KCNQ1: variants seen among roughly 807,000 people sequenced by gnomAD.
KCNQ1 encodes potassium voltage-gated channel subfamily Q member 1.
In KCNQ1, 49 loss-of-function variants were observed where a neutral mutation model predicts 72.4. The observed-to-expected ratio is 0.68, with a 90% CI of 0.54 to 0.86. KCNQ1 has a LOEUF of 0.86. KCNQ1 is among the 40% of genes least tolerant of loss of function. KCNQ1 has a pLI of 0.00. For missense variants in KCNQ1, 790 were observed against 945.1 expected, an observed-to-expected ratio of 0.84 and a Z score of 2.15; for synonymous variants, 450 against 412.6, an observed-to-expected ratio of 1.09 and a Z score of -1.10.
At chr11:2,793,176 G>A (rs1029904208) in intron 15 of KCNQ1, among the ~76,000 whole-genome samples, 3 of 152,206 alleles carry the variant, frequency 2.0e-5, no homozygotes, top group East Asian at 1.9e-4. Flanking sequence ...GGCAGGGCCC[G>A]CCTGGGTGCA....
At chr11:2,751,281 C>A (rs1256508039) in intron 11 of KCNQ1, among the ~76,000 whole-genome samples, 1 of 152,226 alleles carries the variant, frequency 6.6e-6, no homozygotes, top group Non-Finnish European at 1.5e-5. Flanking sequence ...GGTCCTCCCA[C>A]ACCCTCATCC....
At chr11:2,459,833 C>G (rs531721120) in intron 1 of KCNQ1, among the ~76,000 whole-genome samples, 13 of 152,202 alleles carry the variant, frequency 8.5e-5, no homozygotes, top group African/African-American at 3.1e-4. Flanking sequence ...CCTTCCCATG[C>G]AGCACAGGTG....
In KCNQ1 at chr11:2,566,695, G is replaced by A. The variant is rs528115479; in HGVS notation, c.478-3933G>A. ...GAGACCAAGGACGGCTCTTCTTCTC[G>A]TATCTACGGGGCAGAGCTCAGGGCC... is the stretch of plus-strand genomic sequence containing the variant. On this transcript the variant is annotated intron_variant, in intron 2 of 15. Coordinates refer to ENST00000155840, the MANE Select transcript of KCNQ1 (RefSeq NM_000218.3). This position sits in a 1 kb window ranked among gnomAD's most constrained non-coding sequence, Gnocchi z 6.7. Among the ~76,000 whole-genome samples, 11 of 152,192 alleles carry A rather than the reference G, an allele frequency of 7.2e-5. No individual in the cohort carries two copies. Among genetic ancestry groups the A allele is most frequent in the Non-Finnish European group, 8.8e-5 (6 of 67,992 alleles).
intron 11 of KCNQ1, among the ~76,000 whole-genome samples, chr11:2,702,259 C>A (rs147441121): frequency 6.6e-6 from 1 of 152,196 alleles, no homozygotes; most frequent in South Asian, 2.1e-4. Context: ...ATTTTCGAAA[C>A]GTGGCCATTT....
In KCNQ1 at chr11:2,516,667, GC is replaced by G. The variant is rs1847293450; in HGVS notation, c.387-11259del. ...CCCTGGGTTCTCAGCAGGACTCTTT[GC>G]CGGGATCCTCATGCTACGGCCACCA... On this transcript the variant is annotated intron_variant, in intron 1 of 15. Transcript: ENST00000155840. The surrounding 1 kb of genome is among the most constrained non-coding windows in gnomAD (Gnocchi z 7.0). 6.6e-6 allele frequency among the ~76,000 whole-genome samples: 1 copy of G among 152,132 alleles called. No homozygotes were observed. The highest frequency in any genetic ancestry group is 1.5e-5 in the Non-Finnish European group (1 of 68,022).
At position 2,671,800 on chromosome 11, in the gene KCNQ1, C is replaced by G; in HGVS notation, c.1514+9719C>G. On this transcript the variant is annotated intron_variant, in intron 11 of 15. Coordinates refer to ENST00000155840, the MANE Select transcript of KCNQ1 (RefSeq NM_000218.3). The surrounding 1 kb of genome is among the most constrained non-coding windows in gnomAD (Gnocchi z 4.7). ...ATTCTGACCCAGTCAGGGTTCTTCC[C>G]CCAAATAAATCCCTGCAACCCCACT... The G allele has an allele frequency of 2.5e-6, 1 of 398,724 alleles. No individual in the cohort carries two copies. The highest frequency in any genetic ancestry group is 4.4e-6 in the Non-Finnish European group (1 of 226,140). 24.7% of individuals were successfully genotyped at this position (398,724 alleles called of 1,614,324 possible).
intron 10 of KCNQ1, chr11:2,625,432 T>C (rs1056964810): frequency 7.5e-6 from 3 of 398,466 alleles, no homozygotes; most frequent in East Asian, 7.1e-5. Flanking sequence ...GCTGTGTTTA[T>C]TTTTTTAATA....
chr11:2,686,367 T>A (rs1850490286), intron 11 of KCNQ1: 1 of 398,696 alleles, frequency 2.5e-6, no homozygotes. Context: ...TCACTTGGGC[T>A]TATCAGCAGA....
rs766858168 is a variant in KCNQ1 at position 2,492,533 on chromosome 11, C to G, written c.387-35395C>G. 9.9e-5 allele frequency among the ~76,000 whole-genome samples: 15 copies of G among 152,152 alleles called. No homozygotes were observed. Among genetic ancestry groups the G allele is most frequent in the Admixed American group, 4.6e-4 (7 of 15,274 alleles). ...CCTTGGCCCCCATCTCCCCACAGAT[C>G]CCGGTGTGTGATGTTCCCCTCCCTG... is the stretch of plus-strand genomic sequence containing the variant. On this transcript the variant is annotated intron_variant, in intron 1 of 15. Coordinates refer to ENST00000155840, the MANE Select transcript of KCNQ1 (RefSeq NM_000218.3). This position sits in a 1 kb window ranked among gnomAD's most constrained non-coding sequence, Gnocchi z 4.1.
rs754670896 is a variant in KCNQ1, at chr11:2,723,976, C to T, written c.1515-44868C>T. Among the ~76,000 whole-genome samples the T allele has an allele frequency of 1.3e-5, 2 of 152,100 alleles. No individual in the cohort carries two copies. Among genetic ancestry groups the T allele is most frequent in the Admixed American group, 6.5e-5 (1 of 15,268 alleles). ...GCGTGGAGGCATTTACTCTTTTCAC[C>T]GGGGGAGCAGAAATCAGAACATGGC... On this transcript the variant is annotated intron_variant, in intron 11 of 15. Coordinates refer to ENST00000155840, the MANE Select transcript of KCNQ1 (RefSeq NM_000218.3). This position sits in a 1 kb window ranked among gnomAD's most constrained non-coding sequence, Gnocchi z 4.2.
rs1848972718 is a variant in KCNQ1, at chr11:2,611,016, C to T, written c.1393+22162C>T. The T allele has an allele frequency of 7.5e-6, 3 of 398,316 alleles. No homozygotes were observed. The highest frequency in any genetic ancestry group is 8.8e-5 in the Admixed American group (2 of 22,702). 24.7% of individuals were successfully genotyped at this position (398,316 alleles called of 1,614,324 possible). On this transcript the variant is annotated intron_variant, in intron 10 of 15. Coordinates refer to ENST00000155840, the MANE Select transcript of KCNQ1 (RefSeq NM_000218.3). The surrounding 1 kb of genome is among the most constrained non-coding windows in gnomAD (Gnocchi z 5.3). ...GAGTTGTCTATTATTGTTCAGTTGTCTGTTTCTCTCTTCATTTCTGACAGT... is the reference window on the plus strand; with the variant it reads ...GAGTTGTCTATTATTGTTCAGTTGTTTGTTTCTCTCTTCATTTCTGACAGT...
intron 11 of KCNQ1, among the ~76,000 whole-genome samples, chr11:2,743,666 C>G (rs914135661): frequency 6.6e-6 from 1 of 152,234 alleles, no homozygotes; most frequent in Non-Finnish European, 1.5e-5. Flanking sequence ...GGAGTCTGCA[C>G]AGCTACATAG....
chr11:2,784,307 C>G lies in KCNQ1; in HGVS notation c.1794+6270C>G, dbSNP rs1846875863. Among the ~76,000 whole-genome samples, 1 of 151,864 alleles carries G rather than the reference C, an allele frequency of 6.6e-6. No individual in the cohort carries two copies. Among genetic ancestry groups the G allele is most frequent in the Non-Finnish European group, 1.5e-5 (1 of 67,796 alleles). Reference sequence around the variant, plus strand: ...TTATCATGGCTTCTTGGTCAAAAATCAATTGACCATAAATTTATAGGTTTA... The same window carrying G: ...TTATCATGGCTTCTTGGTCAAAAATGAATTGACCATAAATTTATAGGTTTA... On this transcript the variant is annotated intron_variant, in intron 15 of 15. Coordinates refer to ENST00000155840, the MANE Select transcript of KCNQ1 (RefSeq NM_000218.3). The surrounding 1 kb of genome is among the most constrained non-coding windows in gnomAD (Gnocchi z 4.7).
At chr11:2,535,850 G>A (rs1175318041) in intron 2 of KCNQ1, among the ~76,000 whole-genome samples, 1 of 152,204 alleles carries the variant, frequency 6.6e-6, no homozygotes, top group Non-Finnish European at 1.5e-5. Flanking sequence ...GAGGAACCCC[G>A]GCGCTGCTGC....
At position 2,664,417 on chromosome 11, in the gene KCNQ1, G is replaced by A. The variant is rs1337941075; in HGVS notation, c.1514+2336G>A. On this transcript the variant is annotated intron_variant, in intron 11 of 15. Coordinates refer to ENST00000155840, the MANE Select transcript of KCNQ1 (RefSeq NM_000218.3). The surrounding 1 kb of genome is among the most constrained non-coding windows in gnomAD (Gnocchi z 5.1). ...CTGAAGGGGAGAGTGGGCACGTACA[G>A]TGTCAGGGCCTAGGAACCCAGGCTC... The A allele has an allele frequency of 3.3e-5, 13 of 398,588 alleles. No homozygotes were observed. Among genetic ancestry groups the A allele is most frequent in the Non-Finnish European group, 4.4e-5 (10 of 226,124 alleles). 24.7% of individuals were successfully genotyped at this position (398,588 alleles called of 1,614,324 possible). A position where few individuals can be genotyped will look rare whatever the true frequency, so the allele number is the denominator to read the frequency against.
At position 2,514,504 on chromosome 11, in the gene KCNQ1, C is replaced by T. The variant is rs192221017; in HGVS notation, c.387-13424C>T. The stretch of plus-strand genomic sequence containing the variant: ...GTAGTGGGTAGGAGGTTTCCCTATA[C>T]AGGAGACCAAGCTACAGCAAGAAAG... On this transcript the variant is annotated intron_variant, in intron 1 of 15. Transcript: ENST00000155840. Among the ~76,000 whole-genome samples, 339 of 152,326 alleles carry T rather than the reference C, an allele frequency of 2.2e-3. 5 individuals are homozygous for T. The highest frequency in any genetic ancestry group is 7.6e-3 in the African/African-American group (314 of 41,580).
At chr11:2,548,496 T>C (rs1386397248) in intron 2 of KCNQ1, among the ~76,000 whole-genome samples, 3 of 152,246 alleles carry the variant, frequency 2.0e-5, no homozygotes, top group Non-Finnish European at 4.4e-5. Context: ...TTATATTCCC[T>C]TTCTCAGCCT....
intron 11 of KCNQ1, chr11:2,697,264 A>T (rs1212798916): frequency 2.5e-6 from 1 of 398,464 alleles, no homozygotes; most frequent in Non-Finnish European, 4.4e-6. Context: ...GGTTTCAATA[A>T]CTTTTAAGAA....
At chr11:2,506,869 A>G (rs1218917367) in intron 1 of KCNQ1, among the ~76,000 whole-genome samples, 2 of 152,168 alleles carry the variant, frequency 1.3e-5, no homozygotes, top group East Asian at 1.9e-4. Context: ...GTGTGTGTGT[A>G]TTTGTAAATC....
Sources: allele counts gnomAD v4.1 joint callset (sites outside exome capture counted in the v4.1 genomes callset), GRCh38; gene constraint gnomAD v4.1.1; non-coding constraint Gnocchi (gnomAD v3.1); transcripts MANE v1.5; gene names NCBI Gene and HGNC (gene_info 2026-07-23, HGNC 2026-07-21).